Variants in AADACL2 observed in about 807,000 individuals in gnomAD.
AADACL2 encodes the protein arylacetamide deacetylase like 2, also known as arylacetamide deacetylase-like 2.
Under a neutral mutation model 22.3 loss-of-function variants are expected in AADACL2, and 23 were observed. That is an observed-to-expected ratio of 1.03 (90% CI 0.74 to 1.46). The LOEUF is 1.46. Among genes scored for constraint, AADACL2 ranks in the 40% most tolerant of loss-of-function variants. The probability of loss-of-function intolerance (pLI) is 0.00; values close to 1 mark genes in which losing one functional copy is unlikely to be tolerated. For synonymous variants in AADACL2, 177 were observed against 166.2 expected (o/e 1.07, Z -0.50); for missense variants, 472 against 482.9 (o/e 0.98, Z 0.21).
At chr3:151,743,850 T>C (rs964833463) in intron 2 of AADACL2, among the ~76,000 whole-genome samples, 8 of 152,122 alleles carry the variant, frequency 5.3e-5, no homozygotes, top group Admixed American at 5.2e-4. Context: ...CCTATTCTAG[T>C]TGATCCTCCC....
chr3:151,747,312 G>A (rs9846265), intron 4 of AADACL2, among the ~76,000 whole-genome samples: 24,987 of 151,772 alleles, frequency 0.16, 2,078 homozygotes, highest in African/African-American at 0.17. Context: ...TATAGTCACC[G>A]CACTTAATAT....
chr3:151,736,119 A>G (rs1035989162), intron 1 of AADACL2, among the ~76,000 whole-genome samples: 4 of 152,178 alleles, frequency 2.6e-5, no homozygotes, highest in African/African-American at 9.7e-5. Context: ...AAAATGAACA[A>G]TGAAAAAAGA....
At chr3:151,755,164 T>C (rs559713426) in intron 4 of AADACL2, 3 of 152,246 alleles carry the variant, frequency 2.0e-5, no homozygotes, top group Non-Finnish European at 4.4e-5. Context: ...GATATTATAG[T>C]TTTTAATATT....
At chr3:151,753,784 G>T (rs2107990022) in intron 4 of AADACL2, among the ~76,000 whole-genome samples, 1 of 152,170 alleles carries the variant, frequency 6.6e-6, no homozygotes, top group Non-Finnish European at 1.5e-5. Flanking sequence ...TGGGCATGCA[G>T]GAATTTGAAT....
intron 4 of AADACL2, among the ~76,000 whole-genome samples, chr3:151,751,181 A>C (rs1289504916): frequency 1.3e-5 from 2 of 152,156 alleles, no homozygotes; most frequent in East Asian, 1.9e-4. Context: ...AGTATGATGG[A>C]GGGTAAAAAT....
intron 4 of AADACL2, among the ~76,000 whole-genome samples, chr3:151,752,132 T>C (rs1314883114): frequency 7.2e-6 from 1 of 139,416 alleles, no homozygotes; most frequent in Non-Finnish European, 1.6e-5. Flanking sequence ...CTTTATTACC[T>C]GTACTGTGTT....
At chr3:151,750,223 G>A (rs552222431) in intron 4 of AADACL2, among the ~76,000 whole-genome samples, 30 of 152,160 alleles carry the variant, frequency 2.0e-4, no homozygotes, top group African/African-American at 7.0e-4. Flanking sequence ...TGTTGAATTC[G>A]GTTTGCTAGT....
intron 4 of AADACL2, 74 bp downstream of exon 4, chr3:151,745,754 T>C (rs1274789405): frequency 7.0e-7 from 1 of 1,428,228 alleles, no homozygotes; most frequent in African/African-American, 1.5e-5. Context: ...ATTCAGTTCT[T>C]CCCCCACCAT....
rs1713361665 is a variant in AADACL2 at position 151,744,082 on chromosome 3, C to T, written c.362-11C>T. ...ACAGGAAATACTTTGATGTTTATTT[C>T]TTCATTTCAGAACAGAGGGCTTTTG... On this transcript the variant is annotated splice_polypyrimidine_tract_variant and intron_variant, in intron 2 of 4. Coordinates refer to ENST00000356517, the MANE Select transcript of AADACL2 (RefSeq NM_207365.4). 1 of 1,612,378 alleles carries T rather than the reference C, an allele frequency of 6.2e-7. No homozygotes were observed. The highest frequency in any genetic ancestry group is 1.3e-5 in the African/African-American group (1 of 74,838).
intron 4 of AADACL2, among the ~76,000 whole-genome samples, chr3:151,752,258 G>A (rs554136610): frequency 2.6e-5 from 4 of 151,856 alleles, no homozygotes; most frequent in Non-Finnish European, 4.4e-5. Context: ...TTAAAAATTC[G>A]GTATCAATAA....
chr3:151,738,723 T>G (rs1713176068), intron 1 of AADACL2, among the ~76,000 whole-genome samples: 1 of 152,180 alleles, frequency 6.6e-6, no homozygotes, highest in Non-Finnish European at 1.5e-5. Flanking sequence ...AATCTTATCT[T>G]CACACCTTAT....
chr3:151,760,911 ATGTGTTCTTCCCCAATT>A lies in AADACL2; in HGVS notation c.*3319_*3335del, dbSNP rs769086570. ...TCTTCACATGATATTCTCCCGTTGTATGTGTTCTTCCCCAATTTTCCCTTTTTATAAAGATAGCAGTC... is the reference window on the plus strand; with the variant it reads ...TCTTCACATGATATTCTCCCGTTGTATTCCCTTTTTATAAAGATAGCAGTC... On this transcript the variant is annotated 3_prime_UTR_variant, in exon 5 of 5. Transcript: ENST00000356517. The A allele has an allele frequency of 6.6e-6, 1 of 151,828 alleles. No homozygotes were observed. Among genetic ancestry groups the A allele is most frequent in the Non-Finnish European group, 1.5e-5 (1 of 67,992 alleles). The allele number at this position is 151,828 out of a possible 1,614,324, so 9.4% of individuals were successfully genotyped here. A position where few individuals can be genotyped will look rare whatever the true frequency, so the allele number is the denominator to read the frequency against.
chr3:151,736,729 G>T (rs568536944), intron 1 of AADACL2, among the ~76,000 whole-genome samples: 2 of 152,220 alleles, frequency 1.3e-5, no homozygotes, highest in African/African-American at 4.8e-5. Context: ...TATCATTGAT[G>T]TGCATTTGGG....
In AADACL2 at chr3:151,760,232, C is replaced by T. The variant is rs562066744; in HGVS notation, c.*2638C>T. On this transcript the variant is annotated 3_prime_UTR_variant, in exon 5 of 5. Transcript: ENST00000356517. ...GTATAGGGGAAGACTTGATTACACC[C>T]CATGGCATTACAGCTAAAAATTCCA... The T allele has an allele frequency of 2.0e-5, 3 of 152,216 alleles. No homozygotes were observed. Among genetic ancestry groups the T allele is most frequent in the African/African-American group, 7.2e-5 (3 of 41,524 alleles). The allele number at this position is 152,216 out of a possible 1,614,324, so 9.4% of individuals were successfully genotyped here.
In AADACL2 at chr3:151,745,617, C is replaced by T. The variant is rs761503526; in HGVS notation, c.540C>T (p.Pro180=). 1 of 1,613,622 alleles carries T rather than the reference C, an allele frequency of 6.2e-7. No homozygotes were observed. Among genetic ancestry groups the T allele is most frequent in the South Asian group, 1.1e-5 (1 of 90,938 alleles). ...EKILTKYGVD[P]TRICIAGDSS... ...TTCTTACAAAATATGGAGTGGATCCCACCCGAATCTGCATTGCGGGAGACA... is the reference window on the plus strand; with the variant it reads ...TTCTTACAAAATATGGAGTGGATCCTACCCGAATCTGCATTGCGGGAGACA... The change falls in exon 4 of 5, where the codon CCC becomes CCT. Residue 180 remains proline (P), a synonymous_variant. Transcript: ENST00000356517.
rs1282981869 is a variant in AADACL2 at position 151,761,131 on chromosome 3, TTATATATGGTGAGATATATA to T, written c.*3559_*3578del. 1.4e-5 allele frequency: 2 copies of T among 140,338 alleles called. No homozygotes were observed. Among genetic ancestry groups the T allele is most frequent in the African/African-American group, 2.6e-5 (1 of 38,068 alleles). The allele number at this position is 140,338 out of a possible 1,614,324, so 8.7% of individuals were successfully genotyped here. ...TTTTTATATATGGTGAGATATATAT[TTATATATGGTGAGATATATA>T]TATATATGGTGAGATATATATTTAT... On this transcript the variant is annotated 3_prime_UTR_variant, in exon 5 of 5. Coordinates refer to ENST00000356517, the MANE Select transcript of AADACL2 (RefSeq NM_207365.4).
chr3:151,745,154 A>G (rs1345464363), intron 3 of AADACL2, among the ~76,000 whole-genome samples: 1 of 152,102 alleles, frequency 6.6e-6, no homozygotes, highest in African/African-American at 2.4e-5. Context: ...TTTTTAAACA[A>G]GCATTTTTAA....
At chr3:151,739,554 A>C (rs1244874459) in intron 1 of AADACL2, among the ~76,000 whole-genome samples, 1 of 152,190 alleles carries the variant, frequency 6.6e-6, no homozygotes, top group East Asian at 1.9e-4. Context: ...TCTCAGGATC[A>C]GCTGCTCTCT....
intron 1 of AADACL2, among the ~76,000 whole-genome samples, chr3:151,739,450 TCTCC>T (rs1055986191): frequency 6.6e-6 from 1 of 152,180 alleles, no homozygotes; most frequent in Non-Finnish European, 1.5e-5. Context: ...CTGGGAGATG[TCTCC>T]CTGTCAGGAG....
Sources: allele counts gnomAD v4.1 joint callset (sites outside exome capture counted in the v4.1 genomes callset), GRCh38; gene constraint gnomAD v4.1.1; transcripts MANE v1.5; gene names NCBI Gene and HGNC (gene_info 2026-07-23, HGNC 2026-07-21).